CPT1A: variants seen among roughly 807,000 people sequenced by gnomAD.
CPT1A encodes carnitine O-palmitoyltransferase 1, liver isoform.
A neutral mutation model predicts 100.8 loss-of-function variants in CPT1A; 64 were observed. That is an observed-to-expected ratio of 0.63 (90% CI 0.52 to 0.78). The LOEUF is 0.78. Ranked by LOEUF, CPT1A falls within the 30% of genes least tolerant of loss-of-function variation. The pLI is 0.00. For synonymous variants in CPT1A, 363 were observed against 396.0 expected (o/e 0.92, Z 0.99); for missense variants, 802 against 1,034.1 (o/e 0.78, Z 3.08).
At position 68,793,366 on chromosome 11, in the gene CPT1A, C is replaced by G; in HGVS notation, c.916G>C (p.Ala306Pro). 1 of 1,611,964 alleles carries G rather than the reference C, an allele frequency of 6.2e-7. No homozygotes were observed. The highest frequency in any genetic ancestry group is 8.5e-7 in the Non-Finnish European group (1 of 1,179,136). ...LLGSTIPLCSAQWERMFNTSR... is the reference protein window; with the variant it reads ...LLGSTIPLCSPQWERMFNTSR... Reference sequence around the variant, plus strand: ...GTATTAAACATCCGCTCCCACTGAGCGGAGCAGAGTGGAATCGTGGATCCC... The same window carrying G: ...GTATTAAACATCCGCTCCCACTGAGGGGAGCAGAGTGGAATCGTGGATCCC... Residue 306 changes from alanine (A) to proline (P), a missense_variant, in exon 9 of 19, where the codon GCT becomes CCT. Transcript: ENST00000265641.
At chr11:68,767,999 T>G (rs1013413819) in intron 14 of CPT1A, among the ~76,000 whole-genome samples, 2 of 151,394 alleles carry the variant, frequency 1.3e-5, no homozygotes, top group Admixed American at 1.3e-4. Context: ...GGCACGCATC[T>G]TTAACCTTGG....
At position 68,757,694 on chromosome 11, in the gene CPT1A, T is replaced by C. The variant is rs753406173; in HGVS notation, c.2272A>G (p.Met758Val). The C allele has an allele frequency of 4.3e-6, 7 of 1,614,072 alleles. No individual in the cohort carries two copies. The South Asian group carries it at 6.6e-5, about 15-fold the overall frequency. ...CCAAACAAAGTGATGATGTCAGTCA[T>C]TGCTTCTTTCAGGTGCCTTCCAAAG... ...HRFGRHLKEA[M>V]TDIITLFGLS... Residue 758 changes from methionine to valine, a missense_variant, in exon 19 of 19, where the codon ATG (methionine) becomes GTG (valine). Around this residue, in one of 4 missense-constraint regions of CPT1A, gnomAD observed 627 missense variants for 799.3 expected, o/e 0.78. Transcript: ENST00000265641.
intron 1 of CPT1A, among the ~76,000 whole-genome samples, chr11:68,820,825 A>G (rs1856563091): frequency 6.6e-6 from 1 of 152,148 alleles, no homozygotes; most frequent in African/African-American, 2.4e-5. Context: ...CCCTGCCTAC[A>G]GGGAGTTACT....
chr11:68,763,902 G>GT (rs921795361), intron 14 of CPT1A, among the ~76,000 whole-genome samples: 52 of 152,034 alleles, frequency 3.4e-4, no homozygotes, highest in African/African-American at 1.2e-3. Flanking sequence ...GGCTCCCCAG[G>GT]TAAGTTCAGG....
At position 68,756,915 on chromosome 11, in the gene CPT1A, A is replaced by G. The variant is rs1416315804; in HGVS notation, c.*729T>C. 6.5e-6 allele frequency: 1 copy of G among 152,826 alleles called. No homozygotes were observed. The highest frequency in any genetic ancestry group is 2.4e-5 in the African/African-American group (1 of 41,458). The allele number at this position is 152,826 out of a possible 1,614,324, so 9.5% of individuals were successfully genotyped here. On this transcript the variant is annotated 3_prime_UTR_variant, in exon 19 of 19. Transcript: ENST00000265641. Reference sequence around the variant, plus strand: ...ATACTCAGTCAATTGTGAAGGGAACAGTATACCCACAATTCCACCCAAAGA... The same window carrying G: ...ATACTCAGTCAATTGTGAAGGGAACGGTATACCCACAATTCCACCCAAAGA...
At chr11:68,835,284 G>A (rs1286273685) in intron 1 of CPT1A, among the ~76,000 whole-genome samples, 2 of 152,142 alleles carry the variant, frequency 1.3e-5, no homozygotes, top group African/African-American at 4.8e-5. Context: ...AGACTGCAAG[G>A]AGGAGACCTG....
At chr11:68,838,365 T>A (rs1357292818) in intron 1 of CPT1A, among the ~76,000 whole-genome samples, 1 of 151,966 alleles carries the variant, frequency 6.6e-6, no homozygotes. Context: ...AACCTTCACC[T>A]GACATTTGGA....
chr11:68,784,678 G>A, intron 10 of CPT1A, 137 bp downstream of exon 10: 1 of 815,758 alleles, frequency 1.2e-6, no homozygotes, highest in Non-Finnish European at 1.9e-6. Context: ...GCCAAGCCGG[G>A]AGACCCCAGA....
At position 68,760,206 on chromosome 11, in the gene CPT1A, C is replaced by T; in HGVS notation, c.2142+19G>A. 5 of 1,579,292 alleles carry T rather than the reference C, an allele frequency of 3.2e-6. No homozygotes were observed. In the South Asian group the frequency reaches 5.7e-5, roughly 18 times the overall value. On this transcript the variant is annotated intron_variant, in intron 17 of 18. Coordinates refer to ENST00000265641, the MANE Select transcript of CPT1A (RefSeq NM_001876.4). ...ATCACCACGCCCCACTGCGCCTCGC[C>T]CAGCCCCGCCGCACTCACCGGTCCA...
In CPT1A at chr11:68,761,630, G is replaced by A. The variant is rs367840385; in HGVS notation, c.1933C>T (p.Arg645Cys). The A allele has an allele frequency of 1.4e-5, 22 of 1,613,962 alleles. No individual in the cohort carries two copies. The highest frequency in any genetic ancestry group is 3.3e-4 in the Middle Eastern group (2 of 6,084). The change falls in exon 16 of 19, where the codon CGC becomes TGC. Residue 645 changes from arginine (R) to cysteine (C), a missense_variant. Physicochemically the swap from Arg to Cys is radical, Grantham distance 180. This residue lies in a region of CPT1A where 627 missense variants were observed against 799.3 expected (regional missense o/e 0.78). Transcript: ENST00000265641. Reference protein sequence around the residue: ...LASEKHQHMYRLAMTGSGIDR... With the variant: ...LASEKHQHMYCLAMTGSGIDR... ...ATCCCAGAGCCGGTCATGGCGAGGCGATACATATGCTGATGCTTCTCAGAC... is the reference window on the plus strand; with the variant it reads ...ATCCCAGAGCCGGTCATGGCGAGGCAATACATATGCTGATGCTTCTCAGAC...
chr11:68,765,410 C>G (rs1223213238), intron 14 of CPT1A, among the ~76,000 whole-genome samples: 1 of 152,172 alleles, frequency 6.6e-6, no homozygotes, highest in Non-Finnish European at 1.5e-5. Flanking sequence ...AAGAGCCAAA[C>G]CAGGTTACAA....
intron 13 of CPT1A, chr11:68,773,940 C>T (rs1334550038): frequency 4.9e-6 from 1 of 204,124 alleles, no homozygotes; most frequent in Admixed American, 5.3e-5. Context: ...GGCAGAACAC[C>T]TCAAGTGAGC....
chr11:68,777,721 T>C (rs1255782056), intron 12 of CPT1A, among the ~76,000 whole-genome samples: 1 of 152,238 alleles, frequency 6.6e-6, no homozygotes, highest in African/African-American at 2.4e-5. Context: ...AAATATCCAG[T>C]AGATTTCTCT....
intron 15 of CPT1A, among the ~76,000 whole-genome samples, chr11:68,762,258 A>G (rs1482446603): frequency 9.2e-5 from 14 of 152,170 alleles, no homozygotes; most frequent in Non-Finnish European, 1.5e-4. Flanking sequence ...TAACCAATGG[A>G]AGGTCCCGTG....
At chr11:68,828,290 C>T (rs1856785119) in intron 1 of CPT1A, among the ~76,000 whole-genome samples, 3 of 152,248 alleles carry the variant, frequency 2.0e-5, no homozygotes, top group Admixed American at 2.0e-4. Flanking sequence ...TCGGCCCCAG[C>T]CAGGGGCTTC....
intron 1 of CPT1A, chr11:68,839,655 G>A (rs1467370631): frequency 1.4e-5 from 14 of 985,482 alleles, no homozygotes; most frequent in Non-Finnish European, 1.7e-5. Context: ...AGAAACGCAG[G>A]CACCGCGCTC....
At chr11:68,792,261 C>A (rs911899872) in intron 9 of CPT1A, among the ~76,000 whole-genome samples, 2 of 152,080 alleles carry the variant, frequency 1.3e-5, no homozygotes, top group African/African-American at 4.8e-5. Context: ...GGCGTGAACT[C>A]GGGAGGTGGA....
At chr11:68,770,227 G>T (rs965902749) in intron 14 of CPT1A, among the ~76,000 whole-genome samples, 1 of 152,098 alleles carries the variant, frequency 6.6e-6, no homozygotes, top group African/African-American at 2.4e-5. Context: ...ACGTATGCCT[G>T]GAAGGTGGGG....
At chr11:68,814,161 G>A (rs1856308475) in intron 2 of CPT1A, among the ~76,000 whole-genome samples, 1 of 152,098 alleles carries the variant, frequency 6.6e-6, no homozygotes, top group African/African-American at 2.4e-5. Flanking sequence ...ACATGCACTT[G>A]TTCCTTCTAT....
Sources: allele counts gnomAD v4.1 joint callset (sites outside exome capture counted in the v4.1 genomes callset), GRCh38; gene constraint gnomAD v4.1.1; regional missense constraint gnomAD v4.1.1; transcripts MANE v1.5; gene names NCBI Gene and HGNC (gene_info 2026-07-23, HGNC 2026-07-21).